Variants in KCTD16 observed in about 807,000 individuals in gnomAD.
KCTD16 encodes the protein BTB/POZ domain-containing protein KCTD16.
In KCTD16, 13 loss-of-function variants were observed where a neutral mutation model predicts 33.2. The ratio of observed to expected loss-of-function variants is 0.39; its 90% CI spans 0.25 to 0.62. The LOEUF (loss-of-function observed/expected upper bound fraction) is 0.62. Ranked by LOEUF, KCTD16 falls within the 20% of genes least tolerant of loss-of-function variation. KCTD16 has a pLI of 0.50. For synonymous variants in KCTD16, 197 were observed against 195.3 expected (o/e 1.01, Z -0.07); for missense variants, 441 against 525.1 (o/e 0.84, Z 1.57).
intron 3 of KCTD16, among the ~76,000 whole-genome samples, chr5:144,235,924 G>A (rs574623182): frequency 6.6e-6 from 1 of 152,134 alleles, no homozygotes; most frequent in Non-Finnish European, 1.5e-5. Context: ...CCCAATGCAT[G>A]CTTTAGGGGT....
chr5:144,278,744 G>C (rs567755244), intron 3 of KCTD16, among the ~76,000 whole-genome samples: 9 of 151,806 alleles, frequency 5.9e-5, no homozygotes, highest in Non-Finnish European at 8.8e-5. Flanking sequence ...TGATCCACCC[G>C]CCTCGGCCTC....
At chr5:144,387,169 A>C (rs1376495505) in intron 3 of KCTD16, among the ~76,000 whole-genome samples, 1 of 139,124 alleles carries the variant, frequency 7.2e-6, no homozygotes, top group Non-Finnish European at 1.5e-5. Flanking sequence ...TGAGAGACAG[A>C]GTCTCACTTT....
intron 3 of KCTD16, among the ~76,000 whole-genome samples, chr5:144,421,250 G>A (rs992263944): frequency 3.9e-5 from 6 of 152,098 alleles, no homozygotes; most frequent in Admixed American, 3.3e-4. Flanking sequence ...AAAAACAAAA[G>A]ACAATCTCAA....
intron 3 of KCTD16, among the ~76,000 whole-genome samples, chr5:144,208,614 A>T (rs1237564678): frequency 6.6e-6 from 1 of 152,268 alleles, no homozygotes; most frequent in Non-Finnish European, 1.5e-5. Flanking sequence ...CAGGATTAAA[A>T]TATCTAAATT....
chr5:144,463,705 C>A (rs1347617457), intron 3 of KCTD16, among the ~76,000 whole-genome samples: 1 of 152,152 alleles, frequency 6.6e-6, no homozygotes, highest in Non-Finnish European at 1.5e-5. Flanking sequence ...AGTTGCTGAC[C>A]TCCCTGTGCC....
rs1460450335 is a variant in KCTD16, at chr5:144,482,412, A to G, written c.*8298A>G. 1 of 151,968 alleles carries G rather than the reference A, an allele frequency of 6.6e-6. No homozygotes were observed. The highest frequency in any genetic ancestry group is 6.6e-5 in the Admixed American group (1 of 15,242). The allele number at this position is 151,968 out of a possible 1,614,324, so 9.4% of individuals were successfully genotyped here. A position where few individuals can be genotyped will look rare whatever the true frequency, so the allele number is the denominator to read the frequency against. ...ACGTCTGGAGAAAATGACACCTGCA[A>G]TTGCTTGCTGTGCTGCACACAGGTC... On this transcript the variant is annotated 3_prime_UTR_variant, in exon 4 of 4. Transcript: ENST00000512467.
At chr5:144,289,424 C>G (rs1038871690) in intron 3 of KCTD16, among the ~76,000 whole-genome samples, 1 of 152,138 alleles carries the variant, frequency 6.6e-6, no homozygotes, top group South Asian at 2.1e-4. Flanking sequence ...GTAAAGATTG[C>G]TTATCACTCA....
intron 2 of KCTD16, among the ~76,000 whole-genome samples, chr5:144,189,760 T>C (rs555105409): frequency 1.6e-4 from 24 of 152,294 alleles, no homozygotes; most frequent in Admixed American, 3.9e-4. Flanking sequence ...TTTCCTCTTT[T>C]CCCTTATATT....
At chr5:144,198,821 C>T (rs915516875) in intron 2 of KCTD16, among the ~76,000 whole-genome samples, 9 of 152,250 alleles carry the variant, frequency 5.9e-5, no homozygotes, top group East Asian at 5.8e-4. Context: ...TTTACTTTCT[C>T]GTATTCCTCT....
chr5:144,315,883 A>G (rs765874454), intron 3 of KCTD16, among the ~76,000 whole-genome samples: 2 of 152,228 alleles, frequency 1.3e-5, no homozygotes, highest in African/African-American at 4.8e-5. Flanking sequence ...CTTAAAATGT[A>G]CATTCATAAA....
At chr5:144,366,729 C>G (rs1378084414) in intron 3 of KCTD16, among the ~76,000 whole-genome samples, 1 of 152,106 alleles carries the variant, frequency 6.6e-6, no homozygotes, top group African/African-American at 2.4e-5. Context: ...GGCATGCAAA[C>G]CAAGATCAGC....
In KCTD16 at chr5:144,223,648, G is replaced by GT. The variant is rs562974239; in HGVS notation, c.832+16113dup. 6.8e-3 allele frequency among the ~76,000 whole-genome samples: 976 copies of GT among 142,668 alleles called. 9 individuals carry two copies. The highest frequency in any genetic ancestry group is 0.019 in the African/African-American group (749 of 39,326). 93.6% of individuals were successfully genotyped at this position (142,668 alleles called of 152,430 possible). A position where few individuals can be genotyped will look rare whatever the true frequency, so the allele number is the denominator to read the frequency against. On this transcript the variant is annotated intron_variant, in intron 3 of 3. Transcript: ENST00000512467. ...GATGAAAGTGTGAAGTACATTTTTT[G>GT]TTTTTTTTTTTGATCCTAGGCTGCG...
intron 3 of KCTD16, among the ~76,000 whole-genome samples, chr5:144,376,462 G>A (rs1472928898): frequency 1.3e-5 from 2 of 152,034 alleles, no homozygotes; most frequent in African/African-American, 4.8e-5. Context: ...ATGAGTTTCT[G>A]GATTCCAGGT....
intron 3 of KCTD16, among the ~76,000 whole-genome samples, chr5:144,281,177 G>A (rs562078021): frequency 1.3e-5 from 2 of 152,284 alleles, no homozygotes; most frequent in South Asian, 4.1e-4. Context: ...CCGAGACTCC[G>A]TCTCAAAAAA....
At chr5:144,301,380 C>T (rs531946775) in intron 3 of KCTD16, among the ~76,000 whole-genome samples, 1 of 151,930 alleles carries the variant, frequency 6.6e-6, no homozygotes, top group East Asian at 1.9e-4. Context: ...TGAGTAAGAC[C>T]AGAGGTAAGA....
intron 3 of KCTD16, among the ~76,000 whole-genome samples, chr5:144,231,487 G>A (rs1376431472): frequency 6.6e-6 from 1 of 152,136 alleles, no homozygotes; most frequent in African/African-American, 2.4e-5. Flanking sequence ...CCCTGTCTAT[G>A]TCTCAACTTT....
intron 3 of KCTD16, among the ~76,000 whole-genome samples, chr5:144,244,427 G>T (rs116390277): frequency 1.6e-3 from 240 of 152,288 alleles, no homozygotes; most frequent in African/African-American, 5.6e-3. Context: ...AAGTCTATTT[G>T]CAGTTGGCTG....
intron 2 of KCTD16, among the ~76,000 whole-genome samples, chr5:144,176,897 C>T (rs1301886196): frequency 2.6e-5 from 4 of 152,070 alleles, no homozygotes; most frequent in Non-Finnish European, 4.4e-5. Context: ...TTTTTCTTGT[C>T]GATTTAAGTT....
chr5:144,449,477 G>GATATAT (rs1753893397), intron 3 of KCTD16, among the ~76,000 whole-genome samples: 1 of 151,886 alleles, frequency 6.6e-6, no homozygotes, highest in Admixed American at 6.6e-5. Flanking sequence ...GATGGTATCA[G>GATATAT]ACTTCCTAGT....
Sources: allele counts gnomAD v4.1 joint callset (sites outside exome capture counted in the v4.1 genomes callset), GRCh38; gene constraint gnomAD v4.1.1; transcripts MANE v1.5; gene names NCBI Gene and HGNC (gene_info 2026-07-23, HGNC 2026-07-21).